Variants in KIF5C observed in about 807,000 individuals in gnomAD.
The protein encoded by KIF5C is kinesin heavy chain isoform 5C.
KIF5C carries 18 observed loss-of-function variants against 125.2 expected under a neutral mutation model. The observed-to-expected ratio is 0.14, with a 90% confidence interval of 0.10 to 0.21. The LOEUF (loss-of-function observed/expected upper bound fraction) is 0.21. Among genes scored for constraint, KIF5C ranks in the 10% least tolerant of loss-of-function variants. The pLI, the probability that KIF5C is intolerant of heterozygous loss-of-function variation, is 1.00. For synonymous variants in KIF5C, 405 were observed against 434.0 expected (o/e 0.93, Z 0.83); for missense variants, 780 against 1,183.8 (o/e 0.66, Z 5.01).
chr2:148,891,157 C>A (rs1391115895), intron 1 of KIF5C, among the ~76,000 whole-genome samples: 1 of 152,154 alleles, frequency 6.6e-6, no homozygotes, highest in Non-Finnish European at 1.5e-5. Flanking sequence ...AGTTTCATGT[C>A]TGTTGAACTT....
intron 15 of KIF5C, among the ~76,000 whole-genome samples, chr2:148,989,337 TACACACACACACACACAC>T (rs59582798): frequency 2.7e-5 from 4 of 147,832 alleles, no homozygotes; most frequent in African/African-American, 1.0e-4. Context: ...TCCATGATTT[TACACACACACACACACAC>T]ACACACACAC....
At position 148,994,503 on chromosome 2, in the gene KIF5C, C is replaced by T. The variant is rs1368660848; in HGVS notation, c.1988C>T (p.Ser663Leu). Residue 663 changes from serine (S) to leucine (L), a missense_variant, in exon 17 of 26, where the codon TCG (serine) becomes TTG (leucine). Physicochemically the swap from Ser to Leu is moderately radical, Grantham distance 145. Transcript: ENST00000435030. ...AGGCAGCTAGAAGAGTCCCAGGACT[C>T]GCTCAGCGAAGAGCTGGCAAAGCTC... is the stretch of plus-strand genomic sequence containing the variant. ...KRRQLEESQD[S>L]LSEELAKLRA... 8.3e-6 allele frequency: 13 copies of T among 1,570,576 alleles called. No homozygotes were observed. The highest frequency in any genetic ancestry group is 4.7e-5 in the East Asian group (2 of 42,274).
intron 15 of KIF5C, among the ~76,000 whole-genome samples, chr2:148,990,355 G>A (rs563487437): frequency 7.2e-5 from 11 of 152,310 alleles, no homozygotes; most frequent in African/African-American, 2.6e-4. Context: ...TGTTTGGAAG[G>A]AACAGGTGTG....
chr2:148,928,845 C>T (rs1392346381), intron 2 of KIF5C, among the ~76,000 whole-genome samples: 1 of 152,170 alleles, frequency 6.6e-6, no homozygotes, highest in African/African-American at 2.4e-5. Context: ...TAGCCTGGGC[C>T]AGCGTTTAAA....
chr2:149,000,793 A>G lies in KIF5C; in HGVS notation c.2373+11A>G, dbSNP rs773904766. 6.2e-7 allele frequency: 1 copy of G among 1,612,532 alleles called. No individual in the cohort carries two copies. The highest frequency in any genetic ancestry group is 8.5e-7 in the Non-Finnish European group (1 of 1,179,502). ...CTGGAGGAGACAGTGGTATGTCAAG[A>G]TATTTCCCGATTTATGTTTGTCTCC... On this transcript the variant is annotated intron_variant, in intron 21 of 25. Coordinates refer to ENST00000435030, the MANE Select transcript of KIF5C (RefSeq NM_004522.3).
At chr2:148,944,375 G>C (rs1682477662) in intron 7 of KIF5C, among the ~76,000 whole-genome samples, 1 of 152,064 alleles carries the variant, frequency 6.6e-6, no homozygotes, top group Admixed American at 6.5e-5. Context: ...ACTGCTCTAG[G>C]TACCTCATGT....
intron 25 of KIF5C, among the ~76,000 whole-genome samples, chr2:149,019,793 A>G (rs1682477670): frequency 1.3e-5 from 2 of 152,266 alleles, no homozygotes; most frequent in South Asian, 4.1e-4. Flanking sequence ...CAATTGCAAA[A>G]GCCCAAGTTG....
chr2:149,001,629 A>G lies in KIF5C; in HGVS notation c.2373+847A>G, dbSNP rs893459202. Among the ~76,000 whole-genome samples the G allele has an allele frequency of 3.9e-5, 6 of 152,252 alleles. 1 individual carries two copies. The East Asian group carries it at 1.2e-3, about 29-fold the overall frequency. On this transcript the variant is annotated intron_variant, in intron 21 of 25. Transcript: ENST00000435030. Reference sequence around the variant, plus strand: ...TCGTGTGTCTGGGTTTGTTGGCATCATCTCCTCTGGTCGGCTTCCATTTCA... The same window carrying G: ...TCGTGTGTCTGGGTTTGTTGGCATCGTCTCCTCTGGTCGGCTTCCATTTCA...
At chr2:148,974,378 G>A (rs902389307) in intron 12 of KIF5C, among the ~76,000 whole-genome samples, 2 of 152,148 alleles carry the variant, frequency 1.3e-5, no homozygotes, top group Non-Finnish European at 2.9e-5. Context: ...TGTTAACCTT[G>A]CCATTAATCT....
intron 25 of KIF5C, among the ~76,000 whole-genome samples, chr2:149,015,156 C>G (rs1682324303): frequency 6.6e-6 from 1 of 152,036 alleles, no homozygotes; most frequent in Non-Finnish European, 1.5e-5. Context: ...CCACTGCACT[C>G]CAGCCTAGGT....
intron 3 of KIF5C, among the ~76,000 whole-genome samples, chr2:148,936,531 C>G (rs146828092): frequency 6.6e-6 from 1 of 152,166 alleles, no homozygotes; most frequent in Non-Finnish European, 1.5e-5. Context: ...CTAAAATCTT[C>G]AGGGGTGGCA....
chr2:148,877,566 G>A (rs1681227313), intron 1 of KIF5C, among the ~76,000 whole-genome samples: 1 of 152,246 alleles, frequency 6.6e-6, no homozygotes, highest in South Asian at 2.1e-4. Flanking sequence ...GAGCCAGGCT[G>A]TGGTTTAGAT....
chr2:148,967,797 AT>A (rs1680779451), intron 11 of KIF5C, among the ~76,000 whole-genome samples: 3 of 152,036 alleles, frequency 2.0e-5, no homozygotes, highest in Admixed American at 6.6e-5. Context: ...AGAAAATGGA[AT>A]TTTTTTTAAA....
At chr2:148,928,190 A>G (rs758700527) in intron 2 of KIF5C, among the ~76,000 whole-genome samples, 6 of 152,356 alleles carry the variant, frequency 3.9e-5, no homozygotes, top group Non-Finnish European at 7.3e-5. Flanking sequence ...CATAAAATTC[A>G]GAGAACCCCC....
At chr2:148,937,412 A>C (rs771424772) in intron 4 of KIF5C, 24 bp downstream of exon 4, 3 of 1,561,674 alleles carry the variant, frequency 1.9e-6, no homozygotes, top group East Asian at 4.7e-5. Context: ...ATTGGTCCCC[A>C]GAGAAGACAC....
At chr2:148,907,185 T>C (rs977452396) in intron 1 of KIF5C, among the ~76,000 whole-genome samples, 2 of 151,492 alleles carry the variant, frequency 1.3e-5, no homozygotes, top group Admixed American at 6.6e-5. Context: ...GCTGCTGTCC[T>C]GTGAAGCTTC....
intron 1 of KIF5C, among the ~76,000 whole-genome samples, chr2:148,899,347 T>C (rs1680793828): frequency 6.6e-6 from 1 of 152,148 alleles, no homozygotes; most frequent in South Asian, 2.1e-4. Context: ...TAAAGCAAAT[T>C]AAAGAGATTT....
intron 4 of KIF5C, among the ~76,000 whole-genome samples, chr2:148,938,592 G>GCCTACATAGGTGCCCCC (rs1386774445): frequency 6.6e-6 from 1 of 152,146 alleles, no homozygotes; most frequent in African/African-American, 2.4e-5. Context: ...CATTGGCCCA[G>GCCTACATAGGTGCCCCC]CCTACATAGG....
intron 10 of KIF5C, among the ~76,000 whole-genome samples, chr2:148,952,431 G>A (rs1263844721): frequency 6.6e-6 from 1 of 152,162 alleles, no homozygotes; most frequent in Admixed American, 6.5e-5. Flanking sequence ...ATCAGTTAGT[G>A]TCTAATATAT....
Sources: gnomAD v4.1 joint callset for allele counts (sites outside exome capture counted in the v4.1 genomes callset) on GRCh38, gnomAD v4.1.1 for gene constraint, MANE v1.5 for transcripts, NCBI Gene and HGNC (gene_info 2026-07-23, HGNC 2026-07-21) for gene names.